EEF1AKMT2: variants seen among roughly 807,000 people sequenced by gnomAD.
EEF1AKMT2 encodes eukaryotic translation elongation factor 1 alpha lysine methyltransferase 2.
EEF1AKMT2 carries 32 observed loss-of-function variants against 35.8 expected under a neutral mutation model. The observed-to-expected ratio is 0.89, with a 90% CI of 0.67 to 1.20. The LOEUF is 1.20. Ranked by LOEUF, EEF1AKMT2 falls within the 50% of genes most tolerant of loss-of-function variation. EEF1AKMT2 has a pLI of 0.00. For missense variants in EEF1AKMT2, 330 were observed against 347.5 expected, an observed-to-expected ratio of 0.95 and a Z score of 0.40; for synonymous variants, 121 against 133.7, an observed-to-expected ratio of 0.91 and a Z score of 0.65.
At chr10:124,778,722 C>CAAAAAAAA (rs11405149) in intron 3 of EEF1AKMT2, among the ~76,000 whole-genome samples, 1 of 119,480 alleles carries the variant, frequency 8.4e-6, no homozygotes. Context: ...GACTCCGTAC[C>CAAAAAAAA]AAAAAAAAAA....
chr10:124,760,793 T>A (rs1374164376), intron 6 of EEF1AKMT2, among the ~76,000 whole-genome samples: 4 of 152,252 alleles, frequency 2.6e-5, no homozygotes, highest in African/African-American at 7.2e-5. Context: ...CTGTTTGTCA[T>A]CTCTGCAAAG....
intron 4 of EEF1AKMT2, among the ~76,000 whole-genome samples, chr10:124,770,331 C>A (rs1950420118): frequency 6.6e-6 from 1 of 152,138 alleles, no homozygotes; most frequent in Admixed American, 6.6e-5. Context: ...GCAGGACAAT[C>A]ACTTGAACCC....
In EEF1AKMT2 at chr10:124,760,206, T is replaced by C. The variant is rs1478907176; in HGVS notation, c.*297A>G. On this transcript the variant is annotated 3_prime_UTR_variant, in exon 7 of 7. Transcript: ENST00000368836. ...TTACATTTCAAATACAAAAGAAAAT[T>C]AAAATTATTCTTGATTGATCTCTAA... is the stretch of plus-strand genomic sequence containing the variant. The C allele has an allele frequency of 2.4e-6, 1 of 411,658 alleles. No homozygotes were observed. Among genetic ancestry groups the C allele is most frequent in the Admixed American group, 4.1e-5 (1 of 24,124 alleles). The allele number at this position is 411,658 out of a possible 1,614,324, so 25.5% of individuals were successfully genotyped here.
chr10:124,784,326 T>A (rs1183598509), intron 3 of EEF1AKMT2, among the ~76,000 whole-genome samples: 1 of 151,920 alleles, frequency 6.6e-6, no homozygotes, highest in Non-Finnish European at 1.5e-5. Flanking sequence ...TTAAACAAAT[T>A]TCTAAATAAC....
At chr10:124,785,218 G>A (rs1428160959) in intron 3 of EEF1AKMT2, among the ~76,000 whole-genome samples, 4 of 123,410 alleles carry the variant, frequency 3.2e-5, no homozygotes, top group African/African-American at 1.3e-4. Context: ...CTGCACTCTA[G>A]CCTGGGTGAC....
At chr10:124,756,597 C>T (rs1203009565), downstream of EEF1AKMT2, among the ~76,000 whole-genome samples, 1 of 152,182 alleles carries the variant, frequency 6.6e-6, no homozygotes, top group South Asian at 2.1e-4. Context: ...AGTACTGACT[C>T]AAGCTCTCTT....
At chr10:124,776,003 T>C (rs1950484265) in intron 3 of EEF1AKMT2, among the ~76,000 whole-genome samples, 1 of 151,838 alleles carries the variant, frequency 6.6e-6, no homozygotes, top group Non-Finnish European at 1.5e-5. Context: ...CTGAAAGCTC[T>C]GCCTCCCGGG....
At chr10:124,763,168 G>A (rs1323320569) in intron 5 of EEF1AKMT2, among the ~76,000 whole-genome samples, 2 of 152,154 alleles carry the variant, frequency 1.3e-5, no homozygotes, top group East Asian at 3.8e-4. Flanking sequence ...AATTGCTTCT[G>A]AAGTAAGATG....
chr10:124,760,332 C>T lies in EEF1AKMT2; in HGVS notation c.*171G>A. The T allele has an allele frequency of 1.0e-6, 1 of 954,134 alleles. No homozygotes were observed. The allele number at this position is 954,134 out of a possible 1,614,324, so 59.1% of individuals were successfully genotyped here. On this transcript the variant is annotated 3_prime_UTR_variant, in exon 7 of 7. Transcript: ENST00000368836. The stretch of plus-strand genomic sequence containing the variant: ...TGTGTACTTACTAAGCATTTATTTG[C>T]ACAAGGATTTTCTGTGTCAGGTTAA...
chr10:124,760,376 G>T lies in EEF1AKMT2; in HGVS notation c.*127C>A. On this transcript the variant is annotated 3_prime_UTR_variant, in exon 7 of 7. Transcript: ENST00000368836. ...AGGTTAACTTTGCTGTGTAGATTCT[G>T]TGTAGCTACCTGAATTCGTCCAAGA... is the stretch of plus-strand genomic sequence containing the variant. 6.8e-7 allele frequency: 1 copy of T among 1,466,106 alleles called. No individual in the cohort carries two copies. The highest frequency in any genetic ancestry group is 9.5e-7 in the Non-Finnish European group (1 of 1,049,228). The allele number at this position is 1,466,106 out of a possible 1,614,324, so 90.8% of individuals were successfully genotyped here.
At chr10:124,787,225 G>A (rs1950592800) in intron 3 of EEF1AKMT2, among the ~76,000 whole-genome samples, 1 of 152,050 alleles carries the variant, frequency 6.6e-6, no homozygotes, top group East Asian at 1.9e-4. Flanking sequence ...TGGGATTACA[G>A]GCATGAGCCA....
intron 3 of EEF1AKMT2, among the ~76,000 whole-genome samples, chr10:124,783,136 C>CATTTTT (rs1564908859): frequency 7.6e-6 from 1 of 131,886 alleles, no homozygotes. Flanking sequence ...TAGGGAAAAA[C>CATTTTT]CTTTTTTTTT....
rs1223066874 is a variant in EEF1AKMT2 at position 124,765,988 on chromosome 10, A to AATAATTTGGAAATTATT, written c.400-381_400-380insAATAATTTCCAAATTAT. Reference sequence around the variant, plus strand: ...TAAAAATGACAATTTATTTGGAACTAAGTTCACTGGAAATAAGATTTCTTG... The same window carrying AATAATTTGGAAATTATT: ...TAAAAATGACAATTTATTTGGAACTAATAATTTGGAAATTATTAGTTCACTGGAAATAAGATTTCTTG... On this transcript the variant is annotated intron_variant, in intron 4 of 6. Transcript: ENST00000368836. Among the ~76,000 whole-genome samples, 21 of 152,326 alleles carry AATAATTTGGAAATTATT rather than the reference A, an allele frequency of 1.4e-4. No homozygotes were observed. In the East Asian group the frequency reaches 1.5e-3, roughly 11 times the overall value.
chr10:124,756,488 T>G (rs1006879422), downstream of EEF1AKMT2, among the ~76,000 whole-genome samples: 1 of 152,234 alleles, frequency 6.6e-6, no homozygotes, highest in Non-Finnish European at 1.5e-5. Context: ...TTTATTTCCC[T>G]GGGCCTAAAC....
chr10:124,791,688 C>T (rs370400952), intron 1 of EEF1AKMT2, 36 bp downstream of exon 1: 9 of 1,550,142 alleles, frequency 5.8e-6, no homozygotes, highest in Non-Finnish European at 7.8e-6. Context: ...GGCAGGGCGG[C>T]ACGGCTCATC....
chr10:124,783,034 A>G (rs1416168748), intron 3 of EEF1AKMT2: 14 of 385,050 alleles, frequency 3.6e-5, no homozygotes, highest in Admixed American at 1.8e-4. Flanking sequence ...ACAATATAAC[A>G]TGTAAAAACT....
intron 4 of EEF1AKMT2, among the ~76,000 whole-genome samples, chr10:124,769,554 C>T (rs1950410732): frequency 6.6e-6 from 1 of 152,092 alleles, no homozygotes; most frequent in South Asian, 2.1e-4. Flanking sequence ...CACAATGAAG[C>T]AAGTCACACA....
chr10:124,773,592 G>C (rs1447144048), intron 4 of EEF1AKMT2, among the ~76,000 whole-genome samples: 1 of 152,108 alleles, frequency 6.6e-6, no homozygotes, highest in Non-Finnish European at 1.5e-5. Flanking sequence ...AAAGAAGGAG[G>C]CTTGAGGAGG....
intron 4 of EEF1AKMT2, among the ~76,000 whole-genome samples, chr10:124,769,504 T>C (rs1159509871): frequency 2.6e-5 from 4 of 152,010 alleles, no homozygotes; most frequent in Admixed American, 6.6e-5. Context: ...CTCAGAGATA[T>C]TGCAAGTTCT....
Sources: gnomAD v4.1 joint callset for allele counts (sites outside exome capture counted in the v4.1 genomes callset) on GRCh38, gnomAD v4.1.1 for gene constraint, MANE v1.5 for transcripts, NCBI Gene and HGNC (gene_info 2026-07-23, HGNC 2026-07-21) for gene names.